Variants in C12orf42 observed in about 807,000 individuals in gnomAD.
C12orf42 encodes chromosome 12 open reading frame 42, also known as uncharacterized protein C12orf42.
C12orf42 carries 25 observed loss-of-function variants against 21.6 expected under a neutral mutation model. That is an observed-to-expected ratio of 1.16 (90% CI 0.84 to 1.62). The LOEUF is 1.62. C12orf42 is among the 40% of genes most tolerant of loss of function. C12orf42 has a pLI of 0.00. For synonymous variants in C12orf42, 174 were observed against 175.0 expected (o/e 0.99, Z 0.05); for missense variants, 483 against 459.3 (o/e 1.05, Z -0.47).
chr12:103,216,428 T>TTGTGA, the C12orf42 span, among the ~76,000 whole-genome samples: 2 of 151,788 alleles, frequency 1.3e-5, no homozygotes, highest in East Asian at 3.9e-4. Context: ...TGGAGTGCAG[T>TTGTGA]GGCACAATCT....
chr12:103,377,985 G>A (rs144704090), intron 3 of C12orf42, among the ~76,000 whole-genome samples: 85 of 152,198 alleles, frequency 5.6e-4, no homozygotes, highest in African/African-American at 1.9e-3. Context: ...TTAAAGCAGG[G>A]CGTTTCAATC....
At chr12:103,246,409 G>A (rs141297418) in intron 10 of C12orf42, among the ~76,000 whole-genome samples, 60 of 152,048 alleles carry the variant, frequency 3.9e-4, no homozygotes, top group African/African-American at 1.4e-3. Context: ...TACCTCTTTA[G>A]CAATTAATTA....
chr12:103,379,430 T>C (rs909552531), intron 3 of C12orf42, among the ~76,000 whole-genome samples: 2 of 152,096 alleles, frequency 1.3e-5, no homozygotes, highest in Non-Finnish European at 2.9e-5. Context: ...CTTCTAACTA[T>C]GTGCTCTAAG....
chr12:103,327,747 T>A (rs565869448), intron 4 of C12orf42, among the ~76,000 whole-genome samples: 69 of 152,350 alleles, frequency 4.5e-4, no homozygotes, highest in Middle Eastern at 3.4e-3. Context: ...CAAGCCATAT[T>A]GTTAAAATAA....
In C12orf42 at chr12:103,306,181, A is replaced by G. The variant is rs754063412; in HGVS notation, c.424T>C (p.Leu142=). The change falls in exon 5 of 6, where the codon TTG becomes CTG. Residue 142 remains leucine, a synonymous_variant. Coordinates refer to ENST00000548883, the MANE Select transcript of C12orf42 (RefSeq NM_198521.5). ...GTTTCTCCTCTGGCAGTAAAAATCA[A>G]TGGGGCCTCATCAGTTTCACTGGAT... ...APSSETDEAP[L]IFTARGETEE... The G allele has an allele frequency of 1.9e-5, 31 of 1,613,790 alleles. No homozygotes were observed. The highest frequency in any genetic ancestry group is 1.6e-4 in the Middle Eastern group (1 of 6,084).
the C12orf42 span, among the ~76,000 whole-genome samples, chr12:103,126,846 C>T: frequency 6.6e-6 from 1 of 152,088 alleles, no homozygotes; most frequent in Non-Finnish European, 1.5e-5. Flanking sequence ...GATAAGGAGA[C>T]ATCACTATAT....
intron 3 of C12orf42, among the ~76,000 whole-genome samples, chr12:103,386,365 T>C (rs2046609711): frequency 1.4e-5 from 2 of 146,360 alleles, no homozygotes; most frequent in Admixed American, 1.3e-4. Flanking sequence ...TTCCAACCTC[T>C]ACTCCGGAAC....
chr12:103,242,909 A>T (rs1427173545), intron 10 of C12orf42, among the ~76,000 whole-genome samples: 1 of 152,126 alleles, frequency 6.6e-6, no homozygotes, highest in East Asian at 1.9e-4. Context: ...ACTTAAATCC[A>T]ATTTTCATGG....
chr12:103,313,751 C>T (rs928851332), intron 4 of C12orf42, among the ~76,000 whole-genome samples: 4 of 152,164 alleles, frequency 2.6e-5, no homozygotes, highest in African/African-American at 7.2e-5. Context: ...ATGACCTCTT[C>T]GGTGGCAAGG....
chr12:103,072,614 G>A, the C12orf42 span, among the ~76,000 whole-genome samples: 3 of 151,956 alleles, frequency 2.0e-5, no homozygotes, highest in South Asian at 6.2e-4. Flanking sequence ...CCCACCCCCG[G>A]TACATACCCA....
intron 2 of C12orf42, among the ~76,000 whole-genome samples, chr12:103,468,866 T>G (rs1592943707): frequency 6.6e-6 from 1 of 152,350 alleles, no homozygotes; most frequent in Non-Finnish European, 1.5e-5. Flanking sequence ...AAGAGACATT[T>G]GTGCTGGTGA....
intron 2 of C12orf42, among the ~76,000 whole-genome samples, chr12:103,468,718 T>C (rs1953339577): frequency 6.6e-6 from 1 of 150,760 alleles, no homozygotes; most frequent in Non-Finnish European, 1.5e-5. Context: ...ACAAACCCTA[T>C]GGGGAAAGAA....
At chr12:103,364,864 C>A (rs544153186) in intron 4 of C12orf42, among the ~76,000 whole-genome samples, 2 of 152,012 alleles carry the variant, frequency 1.3e-5, no homozygotes, top group South Asian at 2.1e-4. Flanking sequence ...CAAAAAAAGT[C>A]CAGAACCAGG....
chr12:103,300,362 T>G (rs1157102412), downstream of C12orf42, among the ~76,000 whole-genome samples: 1 of 152,212 alleles, frequency 6.6e-6, no homozygotes, highest in Non-Finnish European at 1.5e-5. Flanking sequence ...TATTTATCTA[T>G]GGACTCTCCA....
intron 4 of C12orf42, among the ~76,000 whole-genome samples, chr12:103,343,318 A>G (rs2042318485): frequency 6.6e-6 from 1 of 152,224 alleles, no homozygotes; most frequent in East Asian, 1.9e-4. Flanking sequence ...CAAAATTAAA[A>G]TCTTCATTTA....
chr12:103,089,159 T>TC, the C12orf42 span, among the ~76,000 whole-genome samples: 2 of 147,400 alleles, frequency 1.4e-5, no homozygotes, highest in African/African-American at 5.0e-5. Context: ...TGTGCAATCT[T>TC]CAAGACAGAT....
chr12:103,511,436 A>C, the C12orf42 span, among the ~76,000 whole-genome samples: 1 of 151,824 alleles, frequency 6.6e-6, no homozygotes, highest in East Asian at 1.9e-4. Context: ...TAATGCATGC[A>C]TATGTATACC....
the C12orf42 span, among the ~76,000 whole-genome samples, chr12:103,168,496 C>T: frequency 3.8e-3 from 586 of 152,250 alleles, 2 homozygotes; most frequent in Non-Finnish European, 6.5e-3. Flanking sequence ...ACTTGCTTTA[C>T]ATAGTGAGCT....
At chr12:103,505,552 CA>C in the C12orf42 span, 1 of 371,032 alleles carries the variant, frequency 2.7e-6, no homozygotes, top group Non-Finnish European at 5.0e-6. Context: ...GAAATGAACA[CA>C]TCTGAATGCT....
Sources: allele counts gnomAD v4.1 joint callset (sites outside exome capture counted in the v4.1 genomes callset), GRCh38; gene constraint gnomAD v4.1.1; transcripts MANE v1.5; gene names NCBI Gene and HGNC (gene_info 2026-07-23, HGNC 2026-07-21).